The following HTR1E variants were observed in gnomAD, a reference collection of about 807,000 sequenced individuals.
HTR1E encodes the protein 5-hydroxytryptamine receptor 1E.
In HTR1E, 3 loss-of-function variants were observed where a neutral mutation model predicts 3.4. That is an observed-to-expected ratio of 0.89 (90% CI 0.41 to 2.31). HTR1E has a LOEUF of 2.31. Among genes scored for constraint, HTR1E ranks in the 30% most tolerant of loss-of-function variants. The pLI is 0.05. For missense variants in HTR1E, 392 were observed against 467.0 expected (o/e 0.84, Z 1.48); for synonymous variants, 170 against 182.8 (o/e 0.93, Z 0.56).
chr6:87,003,832 G>T (rs1238863553), intron 1 of HTR1E, among the ~76,000 whole-genome samples: 2 of 152,096 alleles, frequency 1.3e-5, no homozygotes, highest in Non-Finnish European at 2.9e-5. Context: ...CAAACAGTTG[G>T]TTTTTTAAAA....
At chr6:86,982,101 T>C (rs1194194263) in intron 1 of HTR1E, among the ~76,000 whole-genome samples, 1 of 152,204 alleles carries the variant, frequency 6.6e-6, no homozygotes, top group African/African-American at 2.4e-5. Flanking sequence ...TCCAGCTCCA[T>C]AGCAGGGCAA....
intron 1 of HTR1E, among the ~76,000 whole-genome samples, chr6:86,944,506 G>A (rs1768588220): frequency 1.3e-5 from 2 of 152,192 alleles, no homozygotes; most frequent in African/African-American, 4.8e-5. Flanking sequence ...GATTTTATTA[G>A]TTTTATTAAT....
At chr6:86,951,491 G>T (rs1027913168) in intron 1 of HTR1E, among the ~76,000 whole-genome samples, 1 of 152,126 alleles carries the variant, frequency 6.6e-6, no homozygotes, top group Non-Finnish European at 1.5e-5. Context: ...TTTAAAAGAT[G>T]CAACTTTTCT....
At chr6:86,956,157 A>G (rs1375701385) in intron 1 of HTR1E, among the ~76,000 whole-genome samples, 3 of 152,174 alleles carry the variant, frequency 2.0e-5, no homozygotes, top group African/African-American at 4.8e-5. Flanking sequence ...ACCCTGAAAT[A>G]TATTTCTTTG....
chr6:86,950,421 G>T (rs1767221612), intron 1 of HTR1E, among the ~76,000 whole-genome samples: 2 of 152,200 alleles, frequency 1.3e-5, no homozygotes, highest in African/African-American at 4.8e-5. Flanking sequence ...CATGGCCTTA[G>T]GGGAATGGGT....
chr6:86,999,398 A>G (rs1328147254), intron 1 of HTR1E, among the ~76,000 whole-genome samples: 1 of 152,244 alleles, frequency 6.6e-6, no homozygotes, highest in Non-Finnish European at 1.5e-5. Context: ...ATATGACAAT[A>G]CACATGAATA....
At chr6:86,995,485 G>A (rs559186619) in intron 1 of HTR1E, among the ~76,000 whole-genome samples, 1 of 150,956 alleles carries the variant, frequency 6.6e-6, no homozygotes, top group East Asian at 2.0e-4. Flanking sequence ...GGCCAATATG[G>A]TGAAACCCCA....
At chr6:87,010,212 T>C (rs371128521) in intron 1 of HTR1E, among the ~76,000 whole-genome samples, 47,371 of 75,194 alleles carry the variant, frequency 0.63, 15,648 homozygotes, top group Middle Eastern at 0.74. Flanking sequence ...CCCTCCCGGA[T>C]GGGGTGGCTG....
At chr6:86,952,182 G>A (rs1230237932) in intron 1 of HTR1E, among the ~76,000 whole-genome samples, 1 of 152,086 alleles carries the variant, frequency 6.6e-6, no homozygotes, top group Non-Finnish European at 1.5e-5. Context: ...GACTGGCTTT[G>A]AATATTTCTA....
At chr6:86,953,042 C>T (rs1004142671) in intron 1 of HTR1E, among the ~76,000 whole-genome samples, 19 of 152,188 alleles carry the variant, frequency 1.2e-4, no homozygotes, top group African/African-American at 4.6e-4. Flanking sequence ...GTGAACCTCT[C>T]TGCATGCTGC....
At chr6:87,009,706 C>A (rs532378281) in intron 1 of HTR1E, among the ~76,000 whole-genome samples, 2 of 146,626 alleles carry the variant, frequency 1.4e-5, no homozygotes, top group South Asian at 4.3e-4. Context: ...CCCCCAACCT[C>A]CCTCCCGGAC....
intron 1 of HTR1E, chr6:86,970,541 C>A: frequency 5.6e-6 from 1 of 178,918 alleles, no homozygotes; most frequent in East Asian, 1.3e-4. Context: ...GAAGATCAAG[C>A]ACCTGAGAAA....
At chr6:86,975,778 C>T (rs1767626736) in intron 1 of HTR1E, among the ~76,000 whole-genome samples, 1 of 152,108 alleles carries the variant, frequency 6.6e-6, no homozygotes, top group Non-Finnish European at 1.5e-5. Flanking sequence ...GAAACACACT[C>T]ATGGAAAAGT....
chr6:87,007,865 C>T (rs1211071075), intron 1 of HTR1E, among the ~76,000 whole-genome samples: 5 of 152,114 alleles, frequency 3.3e-5, no homozygotes, highest in South Asian at 4.2e-4. Context: ...CACTGGAAGG[C>T]GGAGGTTGCA....
chr6:86,956,457 A>G (rs1015698312), intron 1 of HTR1E, among the ~76,000 whole-genome samples: 3 of 152,156 alleles, frequency 2.0e-5, no homozygotes, highest in African/African-American at 7.2e-5. Context: ...AACACTTTCA[A>G]CCAATTGCCA....
At chr6:86,986,291 T>C (rs995138211) in intron 1 of HTR1E, among the ~76,000 whole-genome samples, 5 of 152,198 alleles carry the variant, frequency 3.3e-5, no homozygotes, top group African/African-American at 1.2e-4. Flanking sequence ...GCTATGCTTC[T>C]TAGAAACATT....
At chr6:86,952,238 A>G (rs1014516386) in intron 1 of HTR1E, among the ~76,000 whole-genome samples, 1 of 152,070 alleles carries the variant, frequency 6.6e-6, no homozygotes, top group Non-Finnish European at 1.5e-5. Flanking sequence ...CTTAGTTTCA[A>G]TTTCGAGATT....
At position 87,016,518 on chromosome 6, in the gene HTR1E, T is replaced by C. The variant is rs1287276433; in HGVS notation, c.*86T>C. The C allele has an allele frequency of 1.7e-5, 19 of 1,150,692 alleles. No homozygotes were observed. Among genetic ancestry groups the C allele is most frequent in the Non-Finnish European group, 2.4e-5 (19 of 806,130 alleles). The allele number at this position is 1,150,692 out of a possible 1,614,324, so 71.3% of individuals were successfully genotyped here. The stretch of plus-strand genomic sequence containing the variant: ...GGTGCAACTTATTAATTCTTGAACA[T>C]ACTTGGTTCAGGAGAGTTTGTAAGT... On this transcript the variant is annotated 3_prime_UTR_variant, in exon 2 of 2. Transcript: ENST00000305344.
intron 1 of HTR1E, among the ~76,000 whole-genome samples, chr6:87,009,383 G>T (rs1458102921): frequency 6.6e-6 from 1 of 151,956 alleles, no homozygotes; most frequent in African/African-American, 2.4e-5. Flanking sequence ...TGGGGGCAAG[G>T]TCACAGATCA....
Sources: allele counts gnomAD v4.1 joint callset (sites outside exome capture counted in the v4.1 genomes callset), GRCh38; gene constraint gnomAD v4.1.1; transcripts MANE v1.5; gene names NCBI Gene and HGNC (gene_info 2026-07-23, HGNC 2026-07-21).